CNTN3: variants seen among roughly 807,000 people sequenced by gnomAD.
The protein encoded by CNTN3 is contactin-3.
CNTN3 carries 60 observed loss-of-function variants against 119.1 expected under a neutral mutation model. The ratio of observed to expected loss-of-function variants is 0.50; its 90% confidence interval spans 0.41 to 0.62. CNTN3 has a LOEUF of 0.62. Among genes scored for constraint, CNTN3 ranks in the 20% least tolerant of loss-of-function variants. CNTN3 has a pLI of 0.00. For missense variants in CNTN3, 1,101 were observed against 1,242.4 expected, an observed-to-expected ratio of 0.89 and a Z score of 1.71; for synonymous variants, 450 against 438.7, an observed-to-expected ratio of 1.03 and a Z score of -0.32.
chr3:74,285,272 C>T, intron 20 of CNTN3, 33 bp downstream of exon 20: 1 of 1,563,672 alleles, frequency 6.4e-7, no homozygotes, highest in Non-Finnish European at 8.6e-7. Context: ...AAACTATTTT[C>T]CGTACCATTC....
chr3:74,541,418 T>C (rs1559651041), intron 1 of CNTN3, among the ~76,000 whole-genome samples: 1 of 151,938 alleles, frequency 6.6e-6, no homozygotes, highest in African/African-American at 2.4e-5. Context: ...AAAGAATCAA[T>C]GAAGTACAGG....
In CNTN3 at chr3:74,424,896, G is replaced by A. The variant is rs569008734; in HGVS notation, c.403C>T (p.Arg135Cys). The change falls in exon 5 of 23, where the codon CGT (arginine) becomes TGT (cysteine). Residue 135 changes from arginine (R) to cysteine (C), a missense_variant. Arg to Cys is a radical substitution (Grantham distance 180). Transcript: ENST00000263665. Reference protein sequence around the residue: ...KTKMRSTVSVREGQGVVLLCG... With the variant: ...KTKMRSTVSVCEGQGVVLLCG... ...AGCAGCACAACTCCCTGGCCTTCAC[G>A]CACAGACACTGTACTCCTCATTTTG... The A allele has an allele frequency of 1.1e-5, 18 of 1,613,466 alleles. No homozygotes were observed. Among genetic ancestry groups the A allele is most frequent in the African/African-American group, 4.0e-5 (3 of 75,010 alleles).
chr3:74,350,758 A>G (rs1703792628), intron 11 of CNTN3, among the ~76,000 whole-genome samples: 1 of 152,174 alleles, frequency 6.6e-6, no homozygotes, highest in African/African-American at 2.4e-5. Flanking sequence ...GAATGAAATC[A>G]TGTTATTGGC....
chr3:74,501,080 G>A (rs1314733833), intron 2 of CNTN3, among the ~76,000 whole-genome samples: 1 of 151,864 alleles, frequency 6.6e-6, no homozygotes, highest in Non-Finnish European at 1.5e-5. Context: ...TCAGCTTCCA[G>A]GAGGAAATCT....
chr3:74,293,754 C>T (rs147244053), intron 19 of CNTN3, among the ~76,000 whole-genome samples: 176 of 152,318 alleles, frequency 1.2e-3, no homozygotes, highest in Non-Finnish European at 2.2e-3. Context: ...GGATTACAGG[C>T]GCAAGCCACC....
chr3:74,604,201 T>G (rs1704957165), intron 1 of CNTN3, among the ~76,000 whole-genome samples: 1 of 152,034 alleles, frequency 6.6e-6, no homozygotes, highest in Non-Finnish European at 1.5e-5. Context: ...CCTGAAACCA[T>G]AAAACTACTA....
intron 2 of CNTN3, among the ~76,000 whole-genome samples, chr3:74,515,654 T>A (rs1474335414): frequency 1.3e-5 from 2 of 151,756 alleles, no homozygotes; most frequent in Non-Finnish European, 2.9e-5. Flanking sequence ...CTTGAACATA[T>A]CAAATATCTA....
chr3:74,608,026 C>T (rs1056207985), intron 1 of CNTN3, among the ~76,000 whole-genome samples: 1 of 152,078 alleles, frequency 6.6e-6, no homozygotes, highest in South Asian at 2.1e-4. Context: ...TGTCACCATA[C>T]GGGGAAGTTG....
chr3:74,386,366 C>T (rs2106820092), intron 5 of CNTN3, among the ~76,000 whole-genome samples: 1 of 152,206 alleles, frequency 6.6e-6, no homozygotes, highest in East Asian at 1.9e-4. Context: ...CGCCTGTAAT[C>T]CCAGCACACT....
At chr3:74,411,161 C>T (rs1458017510) in intron 5 of CNTN3, among the ~76,000 whole-genome samples, 1 of 151,812 alleles carries the variant, frequency 6.6e-6, no homozygotes, top group African/African-American at 2.4e-5. Flanking sequence ...AATTGGTCAG[C>T]CCAGTGTCCT....
chr3:74,583,003 G>A (rs1434171651), intron 1 of CNTN3, among the ~76,000 whole-genome samples: 1 of 152,078 alleles, frequency 6.6e-6, no homozygotes, highest in African/African-American at 2.4e-5. Context: ...TGCCACACAG[G>A]GCTACATGGA....
intron 4 of CNTN3, among the ~76,000 whole-genome samples, chr3:74,455,222 A>G (rs144822813): frequency 0.01 from 1,536 of 151,636 alleles, 23 homozygotes; most frequent in African/African-American, 0.035. Flanking sequence ...TTTTTTCTCT[A>G]AACTTCCCTT....
At chr3:74,443,393 T>G (rs1701998230) in intron 4 of CNTN3, among the ~76,000 whole-genome samples, 1 of 152,194 alleles carries the variant, frequency 6.6e-6, no homozygotes, top group African/African-American at 2.4e-5. Context: ...CTGACCAGTC[T>G]CATATTCCTC....
chr3:74,508,366 C>A (rs1161160405), intron 2 of CNTN3, among the ~76,000 whole-genome samples: 1 of 152,114 alleles, frequency 6.6e-6, no homozygotes, highest in Non-Finnish European at 1.5e-5. Context: ...CAGTCTCTGG[C>A]AGTTCTTAAT....
chr3:74,335,334 A>G (rs544048591), intron 12 of CNTN3, among the ~76,000 whole-genome samples: 2 of 152,258 alleles, frequency 1.3e-5, no homozygotes, highest in South Asian at 2.1e-4. Flanking sequence ...GGTAGCCTGG[A>G]TTTGAAAGAT....
rs191781261 is a variant in CNTN3, at chr3:74,603,091, T to C, written c.-81+11300A>G. 2.7e-3 allele frequency among the ~76,000 whole-genome samples: 407 copies of C among 152,262 alleles called. 1 individual carries two copies. Among genetic ancestry groups the C allele is most frequent in the Admixed American group, 8.6e-3 (131 of 15,290 alleles). ...GGATGGCCCCTCTTGGCTACCTCTCTTGATCTCATACACACAAAATATATT... is the reference window on the plus strand; with the variant it reads ...GGATGGCCCCTCTTGGCTACCTCTCCTGATCTCATACACACAAAATATATT... On this transcript the variant is annotated intron_variant, in intron 1 of 22. Transcript: ENST00000263665.
intron 4 of CNTN3, among the ~76,000 whole-genome samples, chr3:74,484,952 A>T (rs1702825722): frequency 6.6e-6 from 1 of 152,216 alleles, no homozygotes; most frequent in Admixed American, 6.5e-5. Context: ...CAAATATTTT[A>T]AAATTTATTG....
intron 5 of CNTN3, among the ~76,000 whole-genome samples, chr3:74,392,324 C>A (rs1704931375): frequency 6.6e-6 from 1 of 152,078 alleles, no homozygotes; most frequent in East Asian, 1.9e-4. Context: ...ATCCTCCCTC[C>A]CTTTCCTGTT....
At chr3:74,576,861 C>T (rs977779716) in intron 1 of CNTN3, among the ~76,000 whole-genome samples, 1 of 151,980 alleles carries the variant, frequency 6.6e-6, no homozygotes, top group Admixed American at 6.6e-5. Flanking sequence ...TGGAAACATA[C>T]AATATTTATA....
Sources: gnomAD v4.1 joint callset for allele counts (sites outside exome capture counted in the v4.1 genomes callset) on GRCh38, gnomAD v4.1.1 for gene constraint, MANE v1.5 for transcripts, NCBI Gene and HGNC (gene_info 2026-07-23, HGNC 2026-07-21) for gene names.